The following RYR2 variants were observed in gnomAD, a reference collection of about 807,000 sequenced individuals.
RYR2 encodes cardiac muscle ryanodine receptor-calcium release channel.
Under a neutral mutation model 601.1 loss-of-function variants are expected in RYR2, and 227 were observed. The ratio of observed to expected loss-of-function variants is 0.38; its 90% CI spans 0.34 to 0.42. RYR2 has a LOEUF of 0.42. Among genes scored for constraint, RYR2 ranks in the 10% least tolerant of loss-of-function variants. The pLI is 1.00. For missense variants in RYR2, 4,646 were observed against 6,156.5 expected (o/e 0.75, Z 8.21); for synonymous variants, 2,223 against 2,175.1 (o/e 1.02, Z -0.61).
chr1:237,115,971 G>A (rs190149372), intron 1 of RYR2, among the ~76,000 whole-genome samples: 1 of 152,300 alleles, frequency 6.6e-6, no homozygotes, highest in African/African-American at 2.4e-5. Context: ...ATGAAAGAAT[G>A]TGTGGACCCA....
rs535613119 is a variant in RYR2, at chr1:237,645,991, T to C, written c.7343-2453T>C. Among the ~76,000 whole-genome samples the C allele has an allele frequency of 1.6e-3, 246 of 151,290 alleles. 3 individuals carry two copies. The South Asian group carries it at 0.018, about 11-fold the overall frequency. ...TCCCGGGTTCACGCCATTCTCCTGCTTCAGCCTCCCGAGTAGCTGGGACTA... is the reference window on the plus strand; with the variant it reads ...TCCCGGGTTCACGCCATTCTCCTGCCTCAGCCTCCCGAGTAGCTGGGACTA... On this transcript the variant is annotated intron_variant, in intron 48 of 104. Transcript: ENST00000366574.
intron 17 of RYR2, among the ~76,000 whole-genome samples, chr1:237,472,107 T>C (rs187573579): frequency 1.3e-5 from 2 of 152,332 alleles, no homozygotes; most frequent in East Asian, 3.9e-4. Context: ...TTTAATGAAC[T>C]GTTTTTTCTC....
At chr1:237,089,287 C>A (rs143538841) in intron 1 of RYR2, among the ~76,000 whole-genome samples, 62 of 152,308 alleles carry the variant, frequency 4.1e-4, no homozygotes, top group Middle Eastern at 3.4e-3. Flanking sequence ...TAAGCAGAGC[C>A]TTTTCTTCCC....
At chr1:237,167,533 A>G (rs1347633824) in intron 1 of RYR2, among the ~76,000 whole-genome samples, 1 of 152,158 alleles carries the variant, frequency 6.6e-6, no homozygotes, top group Admixed American at 6.5e-5. Context: ...ATTCTTGCCT[A>G]TAGAACAGAG....
chr1:237,495,565 T>C lies in RYR2; in HGVS notation c.1962-946T>C, dbSNP rs73110489. Among the ~76,000 whole-genome samples, 575 of 152,366 alleles carry C rather than the reference T, an allele frequency of 3.8e-3. 8 individuals carry two copies. The highest frequency in any genetic ancestry group is 0.013 in the African/African-American group (555 of 41,588). ...AAGATTTCCTTCATGATTCTTTATA[T>C]AACAGACCTGCCGTTTATGAGTGAT... is the stretch of plus-strand genomic sequence containing the variant. On this transcript the variant is annotated intron_variant, in intron 19 of 104. Transcript: ENST00000366574.
chr1:237,256,552 G>C (rs1688007119), intron 1 of RYR2, among the ~76,000 whole-genome samples: 1 of 152,146 alleles, frequency 6.6e-6, no homozygotes, highest in Non-Finnish European at 1.5e-5. Flanking sequence ...GTTCTCTGCT[G>C]CTCCTCTTAA....
chr1:237,387,638 C>T (rs1357436015), intron 9 of RYR2, among the ~76,000 whole-genome samples: 1 of 152,106 alleles, frequency 6.6e-6, no homozygotes, highest in African/African-American at 2.4e-5. Context: ...TGATAGCTTC[C>T]TATGGATTGT....
intron 10 of RYR2, among the ~76,000 whole-genome samples, chr1:237,409,760 A>G (rs1704258895): frequency 6.6e-6 from 1 of 152,158 alleles, no homozygotes; most frequent in Non-Finnish European, 1.5e-5. Flanking sequence ...ACTAAAATAC[A>G]TTGATATGGC....
chr1:237,565,145 CTT>C (rs1277821904), intron 27 of RYR2, among the ~76,000 whole-genome samples: 1 of 135,702 alleles, frequency 7.4e-6, no homozygotes, highest in Non-Finnish European at 1.6e-5. Flanking sequence ...CTTTCTTTTT[CTT>C]TCTTTCTTTC....
chr1:237,109,593 T>G (rs1669198626), intron 1 of RYR2, among the ~76,000 whole-genome samples: 1 of 152,094 alleles, frequency 6.6e-6, no homozygotes, highest in Admixed American at 6.6e-5. Flanking sequence ...AGCCTGTGGG[T>G]GGTGCATGGG....
At position 237,727,043 on chromosome 1, in the gene RYR2, G is replaced by C. The variant is rs1290652180; in HGVS notation, c.10726-44G>C. ...GTGTAAATATTTATTTGTTTTTGAA[G>C]GTAGTTTGGGGTGTAAATATTTATT... On this transcript the variant is annotated intron_variant, in intron 75 of 104. Coordinates refer to ENST00000366574, the MANE Select transcript of RYR2 (RefSeq NM_001035.3). 3.1e-6 allele frequency: 3 copies of C among 953,270 alleles called. No individual in the cohort carries two copies. In the South Asian group the frequency reaches 3.9e-5, roughly 12 times the overall value. 59.1% of individuals were successfully genotyped at this position (953,270 alleles called of 1,614,324 possible). A position where few individuals can be genotyped will look rare whatever the true frequency, so the allele number is the denominator to read the frequency against.
At chr1:237,454,630 C>A in intron 15 of RYR2, 56 bp downstream of exon 15, 1 of 1,556,842 alleles carries the variant, frequency 6.4e-7, no homozygotes, top group Admixed American at 1.9e-5. Context: ...AAAACAGCTT[C>A]TTGGTTGGGA....
chr1:237,517,673 G>T (rs547555790), intron 24 of RYR2, among the ~76,000 whole-genome samples: 1 of 152,072 alleles, frequency 6.6e-6, no homozygotes, highest in South Asian at 2.1e-4. Flanking sequence ...AGCAGATTTA[G>T]GTTCTCAGCA....
intron 1 of RYR2, among the ~76,000 whole-genome samples, chr1:237,166,122 G>A (rs1205264833): frequency 1.3e-5 from 2 of 152,162 alleles, no homozygotes; most frequent in East Asian, 1.9e-4. Context: ...CCACCACTGG[G>A]TGTTTATCTA....
rs1664560358 is a variant in RYR2 at position 237,500,862 on chromosome 1, T to C, written c.2355T>C (p.Asp785=). The change falls in exon 21 of 105, where the codon GAT becomes GAC. Residue 785 remains aspartate, a synonymous_variant. Transcript: ENST00000366574. ...GAATGTTTGAGAATTTCAACATCGA[T>C]GGCCTCTTCTTTCCAGTCGTTAGTT... ...VQGMFENFNI[D]GLFFPVVSFS... 1 of 1,614,064 alleles carries C rather than the reference T, an allele frequency of 6.2e-7. No homozygotes were observed. Among genetic ancestry groups the C allele is most frequent in the Non-Finnish European group, 8.5e-7 (1 of 1,179,900 alleles).
chr1:237,176,067 G>A (rs973444291), intron 1 of RYR2, among the ~76,000 whole-genome samples: 1 of 151,390 alleles, frequency 6.6e-6, no homozygotes, highest in African/African-American at 2.4e-5. Flanking sequence ...CCTTATCTCT[G>A]CAAAAAAATC....
intron 1 of RYR2, among the ~76,000 whole-genome samples, chr1:237,085,517 A>G (rs1029769026): frequency 1.3e-5 from 2 of 152,228 alleles, no homozygotes; most frequent in Admixed American, 6.5e-5. Flanking sequence ...GAGAAAGATC[A>G]GGAGGCTGAA....
chr1:237,756,834 C>T (rs1347537771), intron 81 of RYR2, among the ~76,000 whole-genome samples: 2 of 152,194 alleles, frequency 1.3e-5, no homozygotes, highest in Admixed American at 1.3e-4. Context: ...TTTATTTACA[C>T]ACACTTTGTT....
chr1:237,745,986 CTACTCTTAACAAAATACTGTGTA>C (rs1692041364), intron 80 of RYR2, among the ~76,000 whole-genome samples: 1 of 151,738 alleles, frequency 6.6e-6, no homozygotes, highest in African/African-American at 2.4e-5. Flanking sequence ...ATGTAACATG[CTACTCTTAACAAAATACTGTGTA>C]TGTGGTATGA....
Sources: gnomAD v4.1 joint callset for allele counts (sites outside exome capture counted in the v4.1 genomes callset) on GRCh38, gnomAD v4.1.1 for gene constraint, MANE v1.5 for transcripts, NCBI Gene and HGNC (gene_info 2026-07-23, HGNC 2026-07-21) for gene names.